EVC2: variants seen among roughly 807,000 people sequenced by gnomAD.
The protein encoded by EVC2 is limbin.
EVC2 carries 148 observed loss-of-function variants against 149.3 expected under a neutral mutation model. That is an observed-to-expected ratio of 0.99 (90% CI 0.87 to 1.14). The LOEUF (loss-of-function observed/expected upper bound fraction) is 1.14, where lower values mean the gene tolerates loss of function less well. EVC2 is among the 50% of genes most tolerant of loss of function. The pLI, the probability that EVC2 is intolerant of heterozygous loss-of-function variation, is 0.00. For synonymous variants in EVC2, 776 were observed against 649.9 expected (o/e 1.19, Z -2.95); for missense variants, 1,854 against 1,627.3 (o/e 1.14, Z -2.40).
intron 16 of EVC2, among the ~76,000 whole-genome samples, chr4:5,609,389 TG>T (rs1167652372): frequency 6.6e-6 from 1 of 152,172 alleles, no homozygotes; most frequent in Admixed American, 6.5e-5. Flanking sequence ...TGCTAAGAGA[TG>T]TAATCGATCA....
intron 21 of EVC2, among the ~76,000 whole-genome samples, chr4:5,545,697 T>A (rs1183181524): frequency 6.6e-6 from 1 of 152,130 alleles, no homozygotes; most frequent in Admixed American, 6.5e-5. Flanking sequence ...TTTCTTATCA[T>A]CCCTTGCAAG....
At chr4:5,589,581 C>A (rs1048325296) in intron 16 of EVC2, among the ~76,000 whole-genome samples, 2 of 152,132 alleles carry the variant, frequency 1.3e-5, no homozygotes, top group African/African-American at 4.8e-5. Flanking sequence ...CCCTAGTAGA[C>A]CTGCTGGGTT....
chr4:5,673,104 G>T (rs1032866886), intron 7 of EVC2, among the ~76,000 whole-genome samples: 4 of 152,194 alleles, frequency 2.6e-5, no homozygotes, highest in African/African-American at 9.6e-5. Context: ...TGTAGTAACT[G>T]TCAATAACAG....
At chr4:5,556,126 C>T (rs530583649) in intron 21 of EVC2, among the ~76,000 whole-genome samples, 1 of 131,062 alleles carries the variant, frequency 7.6e-6, no homozygotes, top group South Asian at 2.4e-4. Flanking sequence ...TTGCAGTGAG[C>T]CAAGATCGTG....
intron 17 of EVC2, among the ~76,000 whole-genome samples, chr4:5,583,639 T>C (rs1712002021): frequency 6.6e-6 from 1 of 152,170 alleles, no homozygotes; most frequent in African/African-American, 2.4e-5. Flanking sequence ...TGTATAAAGT[T>C]GTTCATAACA....
intron 9 of EVC2, among the ~76,000 whole-genome samples, chr4:5,644,374 G>A (rs997351400): frequency 2.6e-5 from 4 of 151,296 alleles, no homozygotes; most frequent in Admixed American, 1.3e-4. Context: ...GTGTGATCTC[G>A]GCTCACTGCA....
chr4:5,704,523 T>G (rs1722016745), intron 1 of EVC2, among the ~76,000 whole-genome samples: 1 of 152,062 alleles, frequency 6.6e-6, no homozygotes, highest in Non-Finnish European at 1.5e-5. Context: ...AGAGAAGGTC[T>G]TGGCTGGAGA....
At chr4:5,685,239 G>T in intron 6 of EVC2, 131 bp downstream of exon 6, 2 of 892,240 alleles carry the variant, frequency 2.2e-6, no homozygotes, top group Non-Finnish European at 3.7e-6. Flanking sequence ...CAGGGCCTAT[G>T]CCCTTATCTG....
At chr4:5,539,666 A>C (rs1721477117), downstream of EVC2, among the ~76,000 whole-genome samples, 1 of 152,208 alleles carries the variant, frequency 6.6e-6, no homozygotes, top group Non-Finnish European at 1.5e-5. Context: ...ACAAAGGCGG[A>C]ATTCAATTCC....
At position 5,708,472 on chromosome 4, in the gene EVC2, C is replaced by G; in HGVS notation, c.42G>C (p.Leu14=). 6.7e-7 allele frequency: 1 copy of G among 1,502,212 alleles called. No individual in the cohort carries two copies. The highest frequency in any genetic ancestry group is 8.8e-7 in the Non-Finnish European group (1 of 1,133,182). The allele number at this position is 1,502,212 out of a possible 1,614,324, so 93.1% of individuals were successfully genotyped here. A position where few individuals can be genotyped will look rare whatever the true frequency, so the allele number is the denominator to read the frequency against. ...GGGCCACTGCCAGGAGACCCCCGGC[C>G]AGCACCCACGTGGGGCGCCCCCGGG... is the stretch of plus-strand genomic sequence containing the variant. The part of the protein sequence containing the change: ...SGSRGRPTWV[L]AGGLLAVALA... The change falls in exon 1 of 22, where the codon CTG becomes CTC. Residue 14 remains leucine, a synonymous_variant. Transcript: ENST00000344408.
At chr4:5,604,284 T>C (rs919917018) in intron 16 of EVC2, among the ~76,000 whole-genome samples, 5 of 152,170 alleles carry the variant, frequency 3.3e-5, no homozygotes, top group African/African-American at 1.2e-4. Flanking sequence ...CTCTCATATA[T>C]TGATATCAAA....
At chr4:5,598,798 G>T (rs1300479208) in intron 16 of EVC2, among the ~76,000 whole-genome samples, 1 of 152,002 alleles carries the variant, frequency 6.6e-6, no homozygotes, top group African/African-American at 2.4e-5. Context: ...CAAAATGGGA[G>T]AAAATTTTTG....
At chr4:5,688,421 G>A (rs1422871107) in intron 5 of EVC2, among the ~76,000 whole-genome samples, 5 of 152,012 alleles carry the variant, frequency 3.3e-5, no homozygotes, top group Non-Finnish European at 5.9e-5. Context: ...CTATGACCTC[G>A]GGCAAGCTTC....
chr4:5,575,574 T>C (rs1722876025), intron 18 of EVC2, among the ~76,000 whole-genome samples: 1 of 152,230 alleles, frequency 6.6e-6, no homozygotes, highest in African/African-American at 2.4e-5. Context: ...TTCCTTCCAA[T>C]TAGCGTGTGC....
At chr4:5,697,451 G>A (rs1721552981) in intron 2 of EVC2, 142 bp downstream of exon 2, 1 of 814,112 alleles carries the variant, frequency 1.2e-6, no homozygotes, top group Non-Finnish European at 2.0e-6. Context: ...AGTTCTGTAA[G>A]GTCAGGGAAT....
At chr4:5,573,626 G>A (rs1012185616) in intron 19 of EVC2, among the ~76,000 whole-genome samples, 1 of 152,214 alleles carries the variant, frequency 6.6e-6, no homozygotes, top group Non-Finnish European at 1.5e-5. Context: ...AGAAACCGAT[G>A]TTGGATTTCT....
In EVC2 at chr4:5,585,048, G is replaced by A. The variant is rs113847914; in HGVS notation, c.2830-198C>T. ...GCGTATGAAGACGCCAGGGGCTTGGGGAGCCCAGCCATCCTTCATTCCATA... is the reference window on the plus strand; with the variant it reads ...GCGTATGAAGACGCCAGGGGCTTGGAGAGCCCAGCCATCCTTCATTCCATA... On this transcript the variant is annotated intron_variant, in intron 16 of 21. Coordinates refer to ENST00000344408, the MANE Select transcript of EVC2 (RefSeq NM_147127.5). Among the ~76,000 whole-genome samples, 2,592 of 152,252 alleles carry A rather than the reference G, an allele frequency of 0.017. 65 individuals carry two copies. Among genetic ancestry groups the A allele is most frequent in the African/African-American group, 0.059 (2,451 of 41,552 alleles).
intron 16 of EVC2, among the ~76,000 whole-genome samples, chr4:5,585,429 C>T (rs142502565): frequency 2.6e-5 from 4 of 152,224 alleles, no homozygotes; most frequent in Non-Finnish European, 5.9e-5. Context: ...AGCGGTCTCA[C>T]TTCTCTATGT....
chr4:5,676,740 C>T lies in EVC2; in HGVS notation c.870+4520G>A, dbSNP rs149245026. Among the ~76,000 whole-genome samples, 903 of 152,322 alleles carry T rather than the reference C, an allele frequency of 5.9e-3. 12 individuals are homozygous for T. Among genetic ancestry groups the T allele is most frequent in the African/African-American group, 0.021 (868 of 41,564 alleles). On this transcript the variant is annotated intron_variant, in intron 7 of 21. Transcript: ENST00000344408. ...CCTCCAGGAAGCCTGCCAGTCCACC[C>T]AGCCCATGGAGTTCTCTCTCTCTCT...
Sources: allele counts gnomAD v4.1 joint callset (sites outside exome capture counted in the v4.1 genomes callset), GRCh38; gene constraint gnomAD v4.1.1; transcripts MANE v1.5; gene names NCBI Gene and HGNC (gene_info 2026-07-23, HGNC 2026-07-21).